The following TLK2 variants were observed in gnomAD, a reference collection of about 807,000 sequenced individuals.
TLK2 encodes the protein serine/threonine-protein kinase tousled-like 2.
Under a neutral mutation model 117.3 loss-of-function variants are expected in TLK2, and 6 were observed. The observed-to-expected ratio is 0.05, with a 90% CI of 0.03 to 0.10. The LOEUF is 0.10. TLK2 is among the 10% of genes least tolerant of loss of function. The pLI is 1.00. For missense variants in TLK2, 299 were observed against 901.2 expected, an observed-to-expected ratio of 0.33 and a Z score of 8.56; for synonymous variants, 257 against 316.7, an observed-to-expected ratio of 0.81 and a Z score of 2.00.
intron 20 of TLK2, among the ~76,000 whole-genome samples, 154 bp from the exon 21 acceptor site, chr17:62,607,887 T>C (rs2083432960): frequency 6.6e-6 from 1 of 152,182 alleles, no homozygotes; most frequent in African/African-American, 2.4e-5. Context: ...CTTTTATCTA[T>C]AAAGTGAGAG....
intron 2 of TLK2, chr17:62,516,507 C>CG (rs1300521129): frequency 1.9e-6 from 3 of 1,607,322 alleles, no homozygotes; most frequent in Non-Finnish European, 2.5e-6. Context: ...GCACAATCTC[C>CG]GGGGGCAGAT....
intron 1 of TLK2, among the ~76,000 whole-genome samples, chr17:62,473,430 C>G (rs1158039977): frequency 3.3e-5 from 5 of 152,190 alleles, no homozygotes; most frequent in Non-Finnish European, 7.3e-5. Flanking sequence ...ATATAACACG[C>G]TAAATACTAC....
At chr17:62,529,971 C>T (rs552329811) in intron 6 of TLK2, among the ~76,000 whole-genome samples, 5 of 151,926 alleles carry the variant, frequency 3.3e-5, no homozygotes, top group Non-Finnish European at 5.9e-5. Flanking sequence ...TGGGGACCCA[C>T]GTGGGAGGAT....
At chr17:62,588,169 A>ATT (rs529923490) in intron 16 of TLK2, among the ~76,000 whole-genome samples, 5 of 152,024 alleles carry the variant, frequency 3.3e-5, no homozygotes, top group South Asian at 4.2e-4. Context: ...ACATATACAT[A>ATT]TTTTTATACA....
At chr17:62,591,698 T>C (rs2082094865) in intron 16 of TLK2, among the ~76,000 whole-genome samples, 1 of 152,210 alleles carries the variant, frequency 6.6e-6, no homozygotes, top group Non-Finnish European at 1.5e-5. Flanking sequence ...TATATGTAAT[T>C]ACTTTTAGAT....
At chr17:62,595,172 A>G (rs1463638705) in intron 16 of TLK2, among the ~76,000 whole-genome samples, 1 of 151,988 alleles carries the variant, frequency 6.6e-6, no homozygotes, top group African/African-American at 2.4e-5. Flanking sequence ...ATGTTGGGTC[A>G]GGCTGGTCTC....
At chr17:62,538,949 T>C (rs1427110449) in intron 7 of TLK2, among the ~76,000 whole-genome samples, 1 of 152,204 alleles carries the variant, frequency 6.6e-6, no homozygotes, top group Non-Finnish European at 1.5e-5. Flanking sequence ...GGCAAGTGGC[T>C]AATAACATGA....
At chr17:62,536,097 A>T in intron 6 of TLK2, 73 bp from the exon 7 acceptor site, 1 of 1,518,458 alleles carries the variant, frequency 6.6e-7, no homozygotes. Context: ...AACTGTTTTT[A>T]ACCCGTTGCA....
At chr17:62,508,702 C>T in intron 2 of TLK2, 1 of 516,434 alleles carries the variant, frequency 1.9e-6, no homozygotes, top group Non-Finnish European at 2.5e-6. Flanking sequence ...CGTGGTGTTT[C>T]ACGCCTGTAA....
chr17:62,513,432 C>T (rs1346721033), intron 2 of TLK2, among the ~76,000 whole-genome samples: 2 of 151,010 alleles, frequency 1.3e-5, no homozygotes, highest in Admixed American at 6.6e-5. Context: ...GAGCTCCCGC[C>T]TGAGCCTTCT....
rs1356256868 is a variant in TLK2 at position 62,485,969 on chromosome 17, T to C, written c.81+4763T>C. Among the ~76,000 whole-genome samples, 7 of 151,566 alleles carry C rather than the reference T, an allele frequency of 4.6e-5. No individual in the cohort carries two copies. The South Asian group carries it at 6.2e-4, about 14-fold the overall frequency. ...CCGAGTAGCTGGGACTGCAGGTGCCTGCCACCACGCACAGCTAATTTTTTG... is the reference window on the plus strand; with the variant it reads ...CCGAGTAGCTGGGACTGCAGGTGCCCGCCACCACGCACAGCTAATTTTTTG... On this transcript the variant is annotated intron_variant, in intron 2 of 21. Coordinates refer to ENST00000346027, the MANE Select transcript of TLK2 (RefSeq NM_006852.6).
intron 7 of TLK2, 46 bp downstream of exon 7, chr17:62,536,383 G>C: frequency 6.4e-7 from 1 of 1,556,334 alleles, no homozygotes; most frequent in Non-Finnish European, 8.7e-7. Context: ...CATTGCCCTA[G>C]TGCTCCTTGA....
chr17:62,599,659 A>T (rs1274249476), intron 17 of TLK2, among the ~76,000 whole-genome samples: 2 of 151,906 alleles, frequency 1.3e-5, no homozygotes, highest in Non-Finnish European at 2.9e-5. Context: ...GCTGTAGATG[A>T]TCTCTAGGGT....
intron 15 of TLK2, among the ~76,000 whole-genome samples, chr17:62,583,727 G>A (rs1055576358): frequency 9.2e-5 from 14 of 151,860 alleles, no homozygotes; most frequent in African/African-American, 2.4e-4. Flanking sequence ...ACAGGCGCCC[G>A]ACCCCACACC....
In TLK2 at chr17:62,486,230, C is replaced by T. The variant is rs1243430274; in HGVS notation, c.81+5024C>T. Among the ~76,000 whole-genome samples, 7 of 151,966 alleles carry T rather than the reference C, an allele frequency of 4.6e-5. No homozygotes were observed. In the East Asian group the frequency reaches 5.8e-4, roughly 13 times the overall value. ...AGAGTGCAGTGGCGCGATCTCGGCT[C>T]GCTGCAGCCTCTGCCTCCCAGGTTC... On this transcript the variant is annotated intron_variant, in intron 2 of 21. Transcript: ENST00000346027.
At chr17:62,591,535 C>T (rs1339416423) in intron 16 of TLK2, among the ~76,000 whole-genome samples, 1 of 152,036 alleles carries the variant, frequency 6.6e-6, no homozygotes, top group Non-Finnish European at 1.5e-5. Context: ...CCTCTGTGTC[C>T]CCAGGGTAGT....
At chr17:62,587,866 T>TA (rs1598778275) in intron 16 of TLK2, among the ~76,000 whole-genome samples, 1 of 152,044 alleles carries the variant, frequency 6.6e-6, no homozygotes, top group African/African-American at 2.4e-5. Flanking sequence ...ACTACTGTAT[T>TA]GAGACCCTAA....
At chr17:62,472,382 G>C (rs191467111) in intron 1 of TLK2, among the ~76,000 whole-genome samples, 1 of 152,268 alleles carries the variant, frequency 6.6e-6, no homozygotes, top group African/African-American at 2.4e-5. Flanking sequence ...CAGCAGGAAA[G>C]AGAGGCTGGG....
chr17:62,610,078 A>G (rs1332057958), intron 21 of TLK2, among the ~76,000 whole-genome samples: 1 of 152,220 alleles, frequency 6.6e-6, no homozygotes, highest in African/African-American at 2.4e-5. Context: ...TGTCTGGTAG[A>G]TGTTTAATTC....
Sources: allele counts gnomAD v4.1 joint callset (sites outside exome capture counted in the v4.1 genomes callset), GRCh38; gene constraint gnomAD v4.1.1; transcripts MANE v1.5; gene names NCBI Gene and HGNC (gene_info 2026-07-23, HGNC 2026-07-21).